Variants in POPDC2 observed in about 807,000 individuals in gnomAD.
POPDC2 encodes the protein popeye domain cAMP effector 2.
Under a neutral mutation model 30.5 loss-of-function variants are expected in POPDC2, and 24 were observed. The observed-to-expected ratio is 0.79, with a 90% CI of 0.57 to 1.11. The LOEUF (loss-of-function observed/expected upper bound fraction) is 1.11, where lower values mean the gene tolerates loss of function less well. Among genes scored for constraint, POPDC2 ranks in the 50% least tolerant of loss-of-function variants. POPDC2 has a pLI of 0.00. For synonymous variants in POPDC2, 185 were observed against 183.3 expected, an observed-to-expected ratio of 1.01 and a Z score of -0.07; for missense variants, 409 against 447.0, an observed-to-expected ratio of 0.91 and a Z score of 0.77.
chr3:119,658,848 G>A (rs1397675109), intron 1 of POPDC2, among the ~76,000 whole-genome samples: 1 of 151,424 alleles, frequency 6.6e-6, no homozygotes, highest in African/African-American at 2.4e-5. Flanking sequence ...AGTGGTAGTT[G>A]TAGTACCATT....
chr3:119,646,849 G>A (rs6794067), intron 3 of POPDC2, among the ~76,000 whole-genome samples: 32,308 of 152,136 alleles, frequency 0.21, 3,574 homozygotes, highest in South Asian at 0.35. Context: ...TAGGACATAA[G>A]GAGCATGCGT....
intron 2 of POPDC2, among the ~76,000 whole-genome samples, chr3:119,649,034 CT>C (rs1163991408): frequency 1.3e-5 from 2 of 152,206 alleles, no homozygotes; most frequent in Non-Finnish European, 2.9e-5. Flanking sequence ...AAGAAGGGGC[CT>C]TCTTGTGCTC....
At chr3:119,645,580 A>AAAG (rs1553796712) in intron 3 of POPDC2, among the ~76,000 whole-genome samples, 3 of 151,588 alleles carry the variant, frequency 2.0e-5, no homozygotes, top group African/African-American at 7.3e-5. Context: ...AAAAAAAAAA[A>AAAG]AAAGAAAGAA....
chr3:119,643,830 C>G (rs2052716288), intron 3 of POPDC2, among the ~76,000 whole-genome samples: 1 of 152,172 alleles, frequency 6.6e-6, no homozygotes, highest in South Asian at 2.1e-4. Context: ...ATGAGTAACT[C>G]TCACCACCCA....
At chr3:119,647,082 G>A (rs535128117) in intron 3 of POPDC2, among the ~76,000 whole-genome samples, 1 of 152,302 alleles carries the variant, frequency 6.6e-6, no homozygotes, top group Non-Finnish European at 1.5e-5. Context: ...CCTTTCATCA[G>A]TCATCTCTAT....
At position 119,648,557 on chromosome 3, in the gene POPDC2, C is replaced by T. The variant is rs983695270; in HGVS notation, c.712G>A (p.Gly238Arg). The T allele has an allele frequency of 1.2e-6, 2 of 1,613,466 alleles. No individual in the cohort carries two copies. Among genetic ancestry groups the T allele is most frequent in the South Asian group, 1.1e-5 (1 of 91,032 alleles). ...YISCLFSALLGYDISEKLYTL... is the reference protein window; with the variant it reads ...YISCLFSALLRYDISEKLYTL... ...TAGAGCTTCTCTGAGATGTCATATCCCAGCAGAGCCGAGAAGAGGCAGGAG... is the reference window on the plus strand; with the variant it reads ...TAGAGCTTCTCTGAGATGTCATATCTCAGCAGAGCCGAGAAGAGGCAGGAG... Residue 238 changes from glycine to arginine, a missense_variant, in exon 3 of 4, where the codon GGA becomes AGA. By Grantham distance (125) the Gly-to-Arg change is moderately radical. Coordinates refer to ENST00000493094, the MANE Select transcript of POPDC2 (RefSeq NM_001369919.2).
In POPDC2 at chr3:119,642,390, T is replaced by G. The variant is rs1577164755; in HGVS notation, c.*215A>C. On this transcript the variant is annotated 3_prime_UTR_variant, in exon 4 of 4. Coordinates refer to ENST00000493094, the MANE Select transcript of POPDC2 (RefSeq NM_001369919.2). The stretch of plus-strand genomic sequence containing the variant: ...CCTTGCCTGTGAGCCTTCCAGTGGG[T>G]GGGAAAAGAGGCATGCCTATCAGTG... The G allele has an allele frequency of 1.1e-6, 1 of 935,428 alleles. No homozygotes were observed. Among genetic ancestry groups the G allele is most frequent in the Non-Finnish European group, 1.7e-6 (1 of 579,706 alleles). 57.9% of individuals were successfully genotyped at this position (935,428 alleles called of 1,614,324 possible). A position where few individuals can be genotyped will look rare whatever the true frequency, so the allele number is the denominator to read the frequency against.
At chr3:119,654,136 AG>A (rs886475802) in intron 2 of POPDC2, among the ~76,000 whole-genome samples, 23 of 152,294 alleles carry the variant, frequency 1.5e-4, no homozygotes, top group Non-Finnish European at 3.1e-4. Context: ...GGGAAGTACT[AG>A]TGGTTCAGCA....
chr3:119,648,226 A>G lies in POPDC2; in HGVS notation c.1043T>C (p.Phe348Ser). The G allele has an allele frequency of 6.2e-7, 1 of 1,602,126 alleles. No individual in the cohort carries two copies. Among genetic ancestry groups the G allele is most frequent in the Non-Finnish European group, 8.5e-7 (1 of 1,173,972 alleles). ...EDSTSLVLED[F>S]EEVSGSESFM... ...CGATTCTGATCCTGACACCTCCTCA[A>G]AATCCTCCAGCACCAGACTGGTGGA... Residue 348 changes from phenylalanine to serine, a missense_variant, in exon 3 of 4, where the codon TTT becomes TCT. Phe to Ser is a radical substitution (Grantham distance 155). Transcript: ENST00000493094.
intron 3 of POPDC2, 70 bp from the exon 4 acceptor site, chr3:119,642,631 C>A: frequency 9.1e-7 from 1 of 1,100,032 alleles, no homozygotes; most frequent in South Asian, 1.3e-5. Context: ...TCAAAGGGTT[C>A]TTTTCAGTTT....
intron 3 of POPDC2, among the ~76,000 whole-genome samples, chr3:119,647,118 T>A (rs756739163): frequency 6.6e-5 from 10 of 152,224 alleles, no homozygotes; most frequent in Non-Finnish European, 1.5e-4. Context: ...TTATATAACC[T>A]GTTTTTCAAA....
intron 3 of POPDC2, among the ~76,000 whole-genome samples, chr3:119,647,303 C>G (rs2107814434): frequency 6.6e-6 from 1 of 151,926 alleles, no homozygotes; most frequent in African/African-American, 2.4e-5. Flanking sequence ...GGTGGAGTTA[C>G]AGAGAAAAAC....
chr3:119,660,273 A>G lies in POPDC2; in HGVS notation c.151T>C (p.Phe51Leu), dbSNP rs2052927439. 1 of 1,614,210 alleles carries G rather than the reference A, an allele frequency of 6.2e-7. No homozygotes were observed. Among genetic ancestry groups the G allele is most frequent in the Non-Finnish European group, 8.5e-7 (1 of 1,180,030 alleles). The stretch of plus-strand genomic sequence containing the variant: ...GCACTCAGGAAGCCAAAAAGATAGA[A>G]GCATCCATACACCCCACTGCCCCCC... The part of the protein sequence containing the change: ...FMGGSGVYGC[F>L]YLFGFLSAGY... The change falls in exon 1 of 4, where the codon TTC (phenylalanine) becomes CTC (leucine). Residue 51 changes from phenylalanine to leucine, a missense_variant. Phe to Leu is a conservative substitution (Grantham distance 22). Transcript: ENST00000493094.
At chr3:119,657,311 T>G (rs2052890763) in intron 1 of POPDC2, among the ~76,000 whole-genome samples, 1 of 152,212 alleles carries the variant, frequency 6.6e-6, no homozygotes, top group Non-Finnish European at 1.5e-5. Context: ...CAATGGGATA[T>G]CAGCACTCCT....
In POPDC2 at chr3:119,642,203, T is replaced by A. The variant is rs915566632; in HGVS notation, c.*402A>T. ...GTTTACCGATGAGGCTCACAGAGGC[T>A]ATGTAACTTGCCCAAGATTCTGCAG... On this transcript the variant is annotated 3_prime_UTR_variant, in exon 4 of 4. Coordinates refer to ENST00000493094, the MANE Select transcript of POPDC2 (RefSeq NM_001369919.2). The A allele has an allele frequency of 1.4e-5, 4 of 287,976 alleles. No homozygotes were observed. The highest frequency in any genetic ancestry group is 8.5e-5 in the African/African-American group (4 of 47,098). 17.8% of individuals were successfully genotyped at this position (287,976 alleles called of 1,614,324 possible).
Position 119,648,613 on chromosome 3 carries a change from A to G in POPDC2, c.656T>C (p.Leu219Pro). 2 of 1,614,164 alleles carry G rather than the reference A, an allele frequency of 1.2e-6. No homozygotes were observed. The change falls in exon 3 of 4, where the codon CTC becomes CCC. Residue 219 changes from leucine (L) to proline (P), a missense_variant. By Grantham distance (98) the Leu-to-Pro change is moderately conservative. Coordinates refer to ENST00000493094, the MANE Select transcript of POPDC2 (RefSeq NM_001369919.2). ...TCGCTCTTTGGTCAGAAGAAGATGG[A>G]GACTTTTCCGGGGCCAGGAAATGTA... ...CSYISWPRKS[L>P]HLLLTKERYI...
At chr3:119,659,789 T>G in intron 1 of POPDC2, 144 bp downstream of exon 1, 5 of 1,056,638 alleles carry the variant, frequency 4.7e-6, no homozygotes, top group African/African-American at 1.6e-5. Context: ...AAAAATCTAT[T>G]TTGGTTTGTT....
intron 2 of POPDC2, among the ~76,000 whole-genome samples, chr3:119,653,937 A>G (rs950437036): frequency 2.0e-5 from 3 of 152,234 alleles, no homozygotes; most frequent in African/African-American, 4.8e-5. Context: ...ACCAGTTAGC[A>G]TAAGTAAAAG....
At position 119,648,584 on chromosome 3, in the gene POPDC2, T is replaced by G. The variant is rs1409338834; in HGVS notation, c.685A>C (p.Ile229Leu). Reference sequence around the variant, plus strand: ...AGCAGAGCCGAGAAGAGGCAGGAGATGTATCGCTCTTTGGTCAGAAGAAGA... The same window carrying G: ...AGCAGAGCCGAGAAGAGGCAGGAGAGGTATCGCTCTTTGGTCAGAAGAAGA... ...LHLLLTKERYISCLFSALLGY... is the reference protein window; with the variant it reads ...LHLLLTKERYLSCLFSALLGY... The change falls in exon 3 of 4, where the codon ATC becomes CTC. Residue 229 changes from isoleucine (I) to leucine (L), a missense_variant. Coordinates refer to ENST00000493094, the MANE Select transcript of POPDC2 (RefSeq NM_001369919.2). 6.2e-7 allele frequency: 1 copy of G among 1,613,860 alleles called. No individual in the cohort carries two copies. Among genetic ancestry groups the G allele is most frequent in the Non-Finnish European group, 8.5e-7 (1 of 1,179,970 alleles).
Sources: allele counts gnomAD v4.1 joint callset (sites outside exome capture counted in the v4.1 genomes callset), GRCh38; gene constraint gnomAD v4.1.1; transcripts MANE v1.5; gene names NCBI Gene and HGNC (gene_info 2026-07-23, HGNC 2026-07-21).